The following DNAH5 variants were observed in gnomAD, a reference collection of about 807,000 sequenced individuals.
DNAH5 encodes the protein axonemal beta dynein heavy chain 5.
Under a neutral mutation model 518.2 loss-of-function variants are expected in DNAH5, and 372 were observed. That is an observed-to-expected ratio of 0.72 (90% CI 0.66 to 0.78). DNAH5 has a LOEUF of 0.78. DNAH5 is among the 30% of genes least tolerant of loss of function. DNAH5 has a pLI of 0.00. For missense variants in DNAH5, 5,523 were observed against 5,687.0 expected (o/e 0.97, Z 0.93); for synonymous variants, 2,039 against 2,025.9 (o/e 1.01, Z -0.17).
At chr5:13,836,681 C>T (rs1254248178) in intron 35 of DNAH5, among the ~76,000 whole-genome samples, 1 of 152,214 alleles carries the variant, frequency 6.6e-6, no homozygotes, top group Non-Finnish European at 1.5e-5. Flanking sequence ...CCCCAAAATA[C>T]GTTCTAATCT....
At position 13,811,730 on chromosome 5, in the gene DNAH5, T is replaced by G; in HGVS notation, c.7324A>C (p.Asn2442His). ...FPDLYRFCIQ[N>H]LEYKMEVLEA... ...AGCACCTCCATCTTGTATTCTAAGT[T>G]CTGGATACAGAAGCGATACAAGTCT... Residue 2442 changes from asparagine to histidine, a missense_variant, in exon 44 of 79, where the codon AAC becomes CAC. This residue lies in a region of DNAH5 where 5,121 missense variants were observed against 5,223.3 expected (regional missense o/e 0.98). Coordinates refer to ENST00000265104, the MANE Select transcript of DNAH5 (RefSeq NM_001369.3). 2 of 1,614,130 alleles carry G rather than the reference T, an allele frequency of 1.2e-6. No individual in the cohort carries two copies. The highest frequency in any genetic ancestry group is 1.7e-6 in the Non-Finnish European group (2 of 1,180,002).
intron 50 of DNAH5, among the ~76,000 whole-genome samples, chr5:13,789,190 T>C (rs528084482): frequency 6.6e-6 from 1 of 152,338 alleles, no homozygotes; most frequent in East Asian, 1.9e-4. Flanking sequence ...ACTAATATTC[T>C]ACGTAAAAGT....
intron 75 of DNAH5, among the ~76,000 whole-genome samples, chr5:13,710,670 A>G (rs114248187): frequency 0.031 from 4,658 of 152,336 alleles, 221 homozygotes; most frequent in African/African-American, 0.099. Flanking sequence ...TCACTGAGAA[A>G]CAAAACAGGC....
At chr5:13,876,661 G>A (rs755537329) in intron 22 of DNAH5, 23 bp downstream of exon 22, 17 of 1,609,988 alleles carry the variant, frequency 1.1e-5, no homozygotes, top group Middle Eastern at 1.7e-4. Context: ...AAAAGGTCCG[G>A]CTGCCAGACC....
chr5:13,917,592 T>C (rs1051227595), intron 7 of DNAH5, among the ~76,000 whole-genome samples: 3 of 152,232 alleles, frequency 2.0e-5, no homozygotes, highest in Non-Finnish European at 4.4e-5. Context: ...ATATTTTCTA[T>C]CTTTCCTCTA....
intron 70 of DNAH5, 72 bp downstream of exon 70, chr5:13,727,435 T>A: frequency 7.6e-7 from 1 of 1,311,686 alleles, no homozygotes; most frequent in Non-Finnish European, 1.0e-6. Flanking sequence ...ATTTAAAATA[T>A]TTTTTTTAAT....
In DNAH5 at chr5:13,855,398, C is replaced by T. The variant is rs1478707403; in HGVS notation, c.4950+4054G>A. On this transcript the variant is annotated intron_variant, in intron 30 of 78. Transcript: ENST00000265104. ...TAATTTTTTGTATTTTTAGTAGAGA[C>T]GGGGTTTCACCGTTTTAGCCGGGAT... Among the ~76,000 whole-genome samples, 11 of 78,652 alleles carry T rather than the reference C, an allele frequency of 1.4e-4. 4 individuals are homozygous for T. 51.6% of individuals were successfully genotyped at this position (78,652 alleles called of 152,430 possible). A position where few individuals can be genotyped will look rare whatever the true frequency, so the allele number is the denominator to read the frequency against.
At chr5:13,985,320 C>G (rs1782964611) in intron 1 of DNAH5, among the ~76,000 whole-genome samples, 2 of 151,038 alleles carry the variant, frequency 1.3e-5, no homozygotes, top group Admixed American at 1.3e-4. Flanking sequence ...GGAGATATAC[C>G]TAATGTAAAT....
At position 13,692,084 on chromosome 5, in the gene DNAH5, C is replaced by T. The variant is rs367709427; in HGVS notation, c.13775G>A (p.Arg4592Gln). Residue 4592 changes from arginine (R) to glutamine (Q), a missense_variant, in exon 79 of 79, where the codon CGA becomes CAA. Coordinates refer to ENST00000265104, the MANE Select transcript of DNAH5 (RefSeq NM_001369.3). ...AGCGGCAATGTAGTTCAAGTCCGTT[C>T]GAACTGGCTTCTTATAGATGGGACA... Reference protein sequence around the residue: ...YSCPIYKKPVRTDLNYIAAVD... With the variant: ...YSCPIYKKPVQTDLNYIAAVD... 2.4e-4 allele frequency: 386 copies of T among 1,613,874 alleles called. No homozygotes were observed. Among genetic ancestry groups the T allele is most frequent in the Non-Finnish European group, 3.2e-4 (375 of 1,179,972 alleles).
intron 1 of DNAH5, among the ~76,000 whole-genome samples, chr5:13,991,621 T>C (rs1384509493): frequency 7.2e-6 from 1 of 139,754 alleles, no homozygotes; most frequent in Non-Finnish European, 1.5e-5. Flanking sequence ...GAGAGGGAGA[T>C]TGTATACAAG....
chr5:13,731,661 G>GA (rs894407880), intron 68 of DNAH5, among the ~76,000 whole-genome samples: 8 of 150,586 alleles, frequency 5.3e-5, no homozygotes, highest in Non-Finnish European at 5.9e-5. Flanking sequence ...TCTTGCTTTG[G>GA]AAAAAAAAAG....
intron 30 of DNAH5, among the ~76,000 whole-genome samples, chr5:13,856,231 C>T (rs1208923314): frequency 6.6e-6 from 1 of 151,982 alleles, no homozygotes; most frequent in African/African-American, 2.4e-5. Flanking sequence ...AAAAGATCAA[C>T]AAAACAGATA....
Position 13,769,606 on chromosome 5 carries a change from A to G in DNAH5, c.9615T>C (p.Thr3205=), listed in dbSNP as rs766679193. ...AAGCTTCTTTGAGCTTTTCCAATCC[A>G]GTATTCATTCTGGGATTGAAAATCC... The part of the protein sequence containing the change: ...EVRTLANRMN[T]GLEKLKEASE... The change falls in exon 57 of 79, where the codon ACT becomes ACC. Residue 3205 remains threonine, a synonymous_variant. Transcript: ENST00000265104. 1.2e-6 allele frequency: 2 copies of G among 1,613,716 alleles called. No individual in the cohort carries two copies. Among genetic ancestry groups the G allele is most frequent in the Non-Finnish European group, 1.7e-6 (2 of 1,179,636 alleles).
At chr5:13,740,850 C>T (rs1748417515) in intron 65 of DNAH5, among the ~76,000 whole-genome samples, 1 of 152,184 alleles carries the variant, frequency 6.6e-6, no homozygotes, top group South Asian at 2.1e-4. Flanking sequence ...AGCTCTCCCG[C>T]TCACCAGTGT....
intron 8 of DNAH5, 52 bp from the exon 9 acceptor site, chr5:13,916,507 T>G (rs748218961): frequency 1.6e-5 from 15 of 909,410 alleles, no homozygotes; most frequent in Non-Finnish European, 2.5e-5. Flanking sequence ...TCAGCAAAAT[T>G]CTAATAGACT....
chr5:13,718,372 A>C (rs1239829354), intron 72 of DNAH5, among the ~76,000 whole-genome samples: 1 of 152,178 alleles, frequency 6.6e-6, no homozygotes, highest in East Asian at 1.9e-4. Context: ...CACAAGCCCC[A>C]TACATAAAGC....
At chr5:13,837,968 G>T (rs1764630428) in intron 35 of DNAH5, among the ~76,000 whole-genome samples, 1 of 151,908 alleles carries the variant, frequency 6.6e-6, no homozygotes, top group Non-Finnish European at 1.5e-5. Context: ...CCAAAGCGCT[G>T]GGATTACAAG....
At chr5:14,009,212 G>A (rs1784946945) in intron 1 of DNAH5, among the ~76,000 whole-genome samples, 1 of 152,212 alleles carries the variant, frequency 6.6e-6, no homozygotes. Context: ...CCGCTCTGGT[G>A]AGTGCCAGGA....
intron 30 of DNAH5, among the ~76,000 whole-genome samples, chr5:13,855,451 G>A (rs56071824): frequency 0.02 from 982 of 49,084 alleles, 253 homozygotes; most frequent in African/African-American, 0.059. Flanking sequence ...CTCGTGATCC[G>A]CCCGCCTCGG....
Sources: gnomAD v4.1 joint callset for allele counts (sites outside exome capture counted in the v4.1 genomes callset) on GRCh38, gnomAD v4.1.1 for gene constraint, gnomAD v4.1.1 regional missense constraint, MANE v1.5 for transcripts, NCBI Gene and HGNC (gene_info 2026-07-23, HGNC 2026-07-21) for gene names.